Variants in CDH19 observed in about 807,000 individuals in gnomAD.
The protein encoded by CDH19 is cadherin-19.
A neutral mutation model predicts 64.2 loss-of-function variants in CDH19; 67 were observed. The ratio of observed to expected loss-of-function variants is 1.04; its 90% CI spans 0.86 to 1.28. CDH19 has a LOEUF of 1.28. Ranked by LOEUF, CDH19 falls within the 50% of genes most tolerant of loss-of-function variation. The probability of loss-of-function intolerance (pLI) is 0.00; values close to 1 mark genes in which losing one functional copy is unlikely to be tolerated. For missense variants in CDH19, 1,030 were observed against 929.0 expected, an observed-to-expected ratio of 1.11 and a Z score of -1.41; for synonymous variants, 346 against 319.3, an observed-to-expected ratio of 1.08 and a Z score of -0.89.
At position 66,594,603 on chromosome 18, in the gene CDH19, C is replaced by T. The variant is rs1388316609; in HGVS notation, c.-113+9351G>A. ...GTGCAATAACAATAAAAATAAATAA[C>T]CCAAATGTCCAACAATGATACACTG... On this transcript the variant is annotated intron_variant, in intron 1 of 11. Transcript: ENST00000262150. 2.0e-5 allele frequency among the ~76,000 whole-genome samples: 3 copies of T among 151,756 alleles called. No homozygotes were observed. The East Asian group carries it at 5.8e-4, about 29-fold the overall frequency.
chr18:66,501,909 A>G lies in CDH19; in HGVS notation c.*2903T>C, dbSNP rs572125066. On this transcript the variant is annotated 3_prime_UTR_variant, in exon 12 of 12. Coordinates refer to ENST00000262150, the MANE Select transcript of CDH19 (RefSeq NM_021153.4). The stretch of plus-strand genomic sequence containing the variant: ...CACATGCACTGAGGGAACAACTAGC[A>G]GTTCGCTAGTCCTAATTTTCTTATT... 6.6e-6 allele frequency: 1 copy of G among 152,224 alleles called. No homozygotes were observed. The highest frequency in any genetic ancestry group is 2.1e-4 in the South Asian group (1 of 4,832). 9.4% of individuals were successfully genotyped at this position (152,224 alleles called of 1,614,324 possible).
intron 9 of CDH19, among the ~76,000 whole-genome samples, chr18:66,521,543 G>T (rs200580892): frequency 2.1e-4 from 26 of 126,356 alleles, no homozygotes; most frequent in African/African-American, 7.6e-4. Flanking sequence ...TTGTTTGTTT[G>T]TTTATTTGTT....
chr18:66,593,549 T>C (rs573017525), intron 1 of CDH19, among the ~76,000 whole-genome samples: 1 of 152,060 alleles, frequency 6.6e-6, no homozygotes, highest in East Asian at 1.9e-4. Flanking sequence ...AACCTCAGGG[T>C]ATCAAGAAAG....
chr18:66,568,485 T>C lies in CDH19; in HGVS notation c.421A>G (p.Ile141Val), dbSNP rs1467148087. Reference protein sequence around the residue: ...ESEFVIKVSDINDNEPKFLDE... With the variant: ...ESEFVIKVSDVNDNEPKFLDE... ...AGGAATTTTGGTTCATTGTCATTGA[T>C]ATCCGAAACTTTGATGACAAACTCA... Residue 141 changes from isoleucine to valine, a missense_variant, in exon 3 of 12, where the codon ATC becomes GTC. Physicochemically the swap from Ile to Val is conservative, Grantham distance 29. Coordinates refer to ENST00000262150, the MANE Select transcript of CDH19 (RefSeq NM_021153.4). The C allele has an allele frequency of 2.5e-6, 4 of 1,612,136 alleles. No individual in the cohort carries two copies. Among genetic ancestry groups the C allele is most frequent in the Non-Finnish European group, 3.4e-6 (4 of 1,178,862 alleles).
intron 2 of CDH19, among the ~76,000 whole-genome samples, chr18:66,571,041 T>C (rs1337705247): frequency 6.6e-6 from 1 of 151,640 alleles, no homozygotes. Context: ...ACCTGTAGTC[T>C]GAGTCGAAAA....
chr18:66,519,738 C>G (rs1985898337), intron 9 of CDH19, among the ~76,000 whole-genome samples: 1 of 151,944 alleles, frequency 6.6e-6, no homozygotes, highest in South Asian at 2.1e-4. Flanking sequence ...AACAAAGAAA[C>G]AAAAAACAAA....
chr18:66,533,022 T>C (rs1986516424), intron 8 of CDH19, among the ~76,000 whole-genome samples: 2 of 152,240 alleles, frequency 1.3e-5, no homozygotes, highest in South Asian at 4.1e-4. Context: ...AGATTTCCTA[T>C]GATGCAGATC....
intron 1 of CDH19, among the ~76,000 whole-genome samples, chr18:66,586,950 T>C (rs1988597223): frequency 2.0e-5 from 3 of 152,112 alleles, no homozygotes. Context: ...TTTAATTTTA[T>C]TAGTTAGTTA....
chr18:66,524,511 C>G, intron 9 of CDH19, among the ~76,000 whole-genome samples: 1 of 136,254 alleles, frequency 7.3e-6, no homozygotes, highest in South Asian at 2.4e-4. Flanking sequence ...TTGATTTAGC[C>G]ATTTCACAAT....
chr18:66,539,481 GTTAATT>G (rs944321588), intron 7 of CDH19, among the ~76,000 whole-genome samples: 17 of 151,962 alleles, frequency 1.1e-4, no homozygotes, highest in African/African-American at 4.1e-4. Flanking sequence ...TTTATAATAA[GTTAATT>G]TTGAATATTG....
chr18:66,572,302 G>A lies in CDH19; in HGVS notation c.-98C>T. The stretch of plus-strand genomic sequence containing the variant: ...CTTTTATAATCTTTTCTGATTCTGT[G>A]TACCTTCTATATACCTAAAGCGTCA... On this transcript the variant is annotated 5_prime_UTR_variant, in exon 2 of 12. Transcript: ENST00000262150. The A allele has an allele frequency of 2.2e-6, 2 of 900,696 alleles. No homozygotes were observed. Among genetic ancestry groups the A allele is most frequent in the South Asian group, 3.8e-5 (2 of 52,054 alleles). The allele number at this position is 900,696 out of a possible 1,614,324, so 55.8% of individuals were successfully genotyped here.
chr18:66,564,865 CTT>C (rs34986036), intron 3 of CDH19, among the ~76,000 whole-genome samples: 7,864 of 144,452 alleles, frequency 0.054, 597 homozygotes, highest in African/African-American at 0.17. Context: ...AATGCCCCTT[CTT>C]TTTTTTTTTT....
chr18:66,590,694 T>C (rs1245722958), intron 1 of CDH19, among the ~76,000 whole-genome samples: 1 of 151,998 alleles, frequency 6.6e-6, no homozygotes, highest in Admixed American at 6.6e-5. Context: ...ACAAATGTTA[T>C]CACTATGTAA....
intron 3 of CDH19, among the ~76,000 whole-genome samples, chr18:66,567,530 G>A (rs2144567746): frequency 6.6e-6 from 1 of 151,900 alleles, no homozygotes; most frequent in Middle Eastern, 3.4e-3. Flanking sequence ...AAACAATGTA[G>A]AAATACATCT....
At chr18:66,574,052 T>A (rs1988191284) in intron 1 of CDH19, among the ~76,000 whole-genome samples, 1 of 151,754 alleles carries the variant, frequency 6.6e-6, no homozygotes, top group Non-Finnish European at 1.5e-5. Context: ...GAATTAAGAT[T>A]TAAATATGTC....
intron 1 of CDH19, among the ~76,000 whole-genome samples, chr18:66,600,426 T>C (rs1472312568): frequency 6.6e-6 from 1 of 151,852 alleles, no homozygotes; most frequent in Non-Finnish European, 1.5e-5. Context: ...TGCTTTTTCC[T>C]TTTTTATGCA....
chr18:66,516,587 T>C (rs1359320209), intron 9 of CDH19, among the ~76,000 whole-genome samples: 2 of 152,082 alleles, frequency 1.3e-5, no homozygotes, highest in Middle Eastern at 3.4e-3. Context: ...GGCTATATAT[T>C]CTCCTCGCTA....
chr18:66,589,959 T>C (rs965389294), intron 1 of CDH19, among the ~76,000 whole-genome samples: 5 of 143,460 alleles, frequency 3.5e-5, no homozygotes. Flanking sequence ...TGAACAAATA[T>C]GACAAAACTA....
chr18:66,524,309 A>G (rs1473070942), intron 9 of CDH19, among the ~76,000 whole-genome samples: 3 of 151,990 alleles, frequency 2.0e-5, no homozygotes, highest in Admixed American at 6.5e-5. Flanking sequence ...CTTTTTAAAG[A>G]GTAGTGTGGA....
Sources: gnomAD v4.1 joint callset for allele counts (sites outside exome capture counted in the v4.1 genomes callset) on GRCh38, gnomAD v4.1.1 for gene constraint, MANE v1.5 for transcripts, NCBI Gene and HGNC (gene_info 2026-07-23, HGNC 2026-07-21) for gene names.